Variants in HSD17B12 observed in about 807,000 individuals in gnomAD.
The protein encoded by HSD17B12 is very-long-chain 3-oxoacyl-CoA reductase.
HSD17B12 carries 32 observed loss-of-function variants against 39.3 expected under a neutral mutation model. That is an observed-to-expected ratio of 0.81 (90% CI 0.61 to 1.09). The LOEUF (loss-of-function observed/expected upper bound fraction) is 1.09, where lower values mean the gene tolerates loss of function less well. HSD17B12 is among the 50% of genes least tolerant of loss of function. The pLI, the probability that HSD17B12 is intolerant of heterozygous loss-of-function variation, is 0.00. For missense variants in HSD17B12, 342 were observed against 382.9 expected (o/e 0.89, Z 0.89); for synonymous variants, 150 against 146.7 (o/e 1.02, Z -0.16).
intron 1 of HSD17B12, among the ~76,000 whole-genome samples, chr11:43,699,138 A>G (rs528562644): frequency 9.2e-5 from 14 of 152,308 alleles, no homozygotes; most frequent in Admixed American, 5.2e-4. Flanking sequence ...CATTTCAACT[A>G]TGGTATAATT....
intron 3 of HSD17B12, among the ~76,000 whole-genome samples, chr11:43,768,087 T>C (rs561069031): frequency 6.6e-6 from 1 of 152,206 alleles, no homozygotes; most frequent in Admixed American, 6.5e-5. Flanking sequence ...CACAACTAAC[T>C]GAGTTCTAAT....
intron 1 of HSD17B12, chr11:43,734,413 C>T (rs1426404835): frequency 1.7e-5 from 13 of 777,274 alleles, no homozygotes; most frequent in African/African-American, 3.4e-5. Context: ...CTAAGGCAGC[C>T]GAGCTGATCA....
At chr11:43,753,999 T>G (rs1260060830) in intron 2 of HSD17B12, 47 bp from the exon 3 acceptor site, 1 of 1,279,116 alleles carries the variant, frequency 7.8e-7, no homozygotes, top group African/African-American at 1.5e-5. Flanking sequence ...ATTAATGTTT[T>G]TCAGTGACAT....
intron 3 of HSD17B12, among the ~76,000 whole-genome samples, chr11:43,759,397 G>A (rs1950537882): frequency 6.6e-6 from 1 of 152,158 alleles, no homozygotes; most frequent in East Asian, 1.9e-4. Flanking sequence ...AGGATTGACT[G>A]CTTTGATGAA....
chr11:43,589,476 G>A, the HSD17B12 span, among the ~76,000 whole-genome samples: 1 of 152,052 alleles, frequency 6.6e-6, no homozygotes, highest in Non-Finnish European at 1.5e-5. Flanking sequence ...CCAAAGAGAA[G>A]GAAAAAATAT....
At chr11:43,714,159 T>TG (rs1482652930) in intron 1 of HSD17B12, among the ~76,000 whole-genome samples, 2 of 152,258 alleles carry the variant, frequency 1.3e-5, no homozygotes, top group Non-Finnish European at 2.9e-5. Flanking sequence ...TGGCTTTTGT[T>TG]GCCATTGCTT....
intron 1 of HSD17B12, among the ~76,000 whole-genome samples, chr11:43,717,854 G>T (rs1327597597): frequency 6.7e-6 from 1 of 149,600 alleles, no homozygotes; most frequent in Admixed American, 6.7e-5. Context: ...GCCCAGGCTG[G>T]AGTGCAGTGG....
At chr11:43,630,945 C>G in the HSD17B12 span, among the ~76,000 whole-genome samples, 1 of 151,904 alleles carries the variant, frequency 6.6e-6, no homozygotes, top group Admixed American at 6.6e-5. Context: ...GCTGGGATTA[C>G]AGGTGTCCGC....
intron 3 of HSD17B12, among the ~76,000 whole-genome samples, chr11:43,778,132 A>T (rs1348912456): frequency 2.0e-5 from 3 of 152,198 alleles, no homozygotes; most frequent in Non-Finnish European, 4.4e-5. Flanking sequence ...AATAGACACA[A>T]TAAAAAATGA....
In HSD17B12 at chr11:43,735,279, T is replaced by C. The variant is rs1437366149; in HGVS notation, c.161-15632T>C. ...AATACAGGTTTTCAGTTTTGGGGGC[T>C]ATATACCTAGGAGTGGAATTGCCAG... On this transcript the variant is annotated intron_variant, in intron 1 of 10. Coordinates refer to ENST00000278353, the MANE Select transcript of HSD17B12 (RefSeq NM_016142.3). 2.0e-5 allele frequency among the ~76,000 whole-genome samples: 3 copies of C among 152,222 alleles called. No homozygotes were observed. In the East Asian group the frequency reaches 5.8e-4, roughly 29 times the overall value.
the HSD17B12 span, among the ~76,000 whole-genome samples, chr11:43,623,489 C>T: frequency 9.2e-5 from 14 of 151,668 alleles, no homozygotes; most frequent in African/African-American, 3.1e-4. Flanking sequence ...TTTAAAAAGA[C>T]TTCGGCAAAA....
At chr11:43,678,114 T>C (rs1349025642), upstream of HSD17B12, among the ~76,000 whole-genome samples, 1 of 152,262 alleles carries the variant, frequency 6.6e-6, no homozygotes, top group Non-Finnish European at 1.5e-5. Context: ...GACTTTTTAA[T>C]GATTGCCATT....
intron 1 of HSD17B12, among the ~76,000 whole-genome samples, chr11:43,715,050 C>T (rs1044773317): frequency 3.9e-5 from 6 of 152,086 alleles, no homozygotes; most frequent in East Asian, 1.9e-4. Context: ...TTTCTAGATA[C>T]ACAATCATGT....
At chr11:43,841,680 A>G (rs1378063029) in intron 9 of HSD17B12, among the ~76,000 whole-genome samples, 4 of 152,244 alleles carry the variant, frequency 2.6e-5, no homozygotes, top group African/African-American at 9.6e-5. Context: ...TGAAAGAAAT[A>G]GTATTTCCAT....
chr11:43,620,147 C>T, the HSD17B12 span, among the ~76,000 whole-genome samples: 3 of 152,184 alleles, frequency 2.0e-5, no homozygotes, highest in Non-Finnish European at 2.9e-5. Context: ...CAAGAGCAGG[C>T]CTCTCAATGT....
the HSD17B12 span, among the ~76,000 whole-genome samples, chr11:43,585,658 A>G: frequency 6.6e-6 from 1 of 152,202 alleles, no homozygotes; most frequent in Non-Finnish European, 1.5e-5. Context: ...GAGGCCATCA[A>G]ATTGTTAAAT....
At chr11:43,837,131 C>G (rs1363353426) in intron 7 of HSD17B12, among the ~76,000 whole-genome samples, 1 of 152,152 alleles carries the variant, frequency 6.6e-6, no homozygotes, top group Non-Finnish European at 1.5e-5. Flanking sequence ...AGTGGCATCT[C>G]ACCTAGAGGC....
intron 1 of HSD17B12, among the ~76,000 whole-genome samples, chr11:43,729,357 G>A (rs1342667414): frequency 1.3e-5 from 2 of 152,182 alleles, no homozygotes; most frequent in Non-Finnish European, 2.9e-5. Flanking sequence ...ATAGCAGATA[G>A]TATTAATTTT....
At chr11:43,622,840 T>C in the HSD17B12 span, among the ~76,000 whole-genome samples, 2 of 151,944 alleles carry the variant, frequency 1.3e-5, no homozygotes, top group Non-Finnish European at 2.9e-5. Flanking sequence ...ATTATAAGAA[T>C]ACATAATCGA....
Sources: allele counts gnomAD v4.1 joint callset (sites outside exome capture counted in the v4.1 genomes callset), GRCh38; gene constraint gnomAD v4.1.1; transcripts MANE v1.5; gene names NCBI Gene and HGNC (gene_info 2026-07-23, HGNC 2026-07-21).